CSMD1: variants seen among roughly 807,000 people sequenced by gnomAD.
CSMD1 encodes the protein CUB and sushi domain-containing protein 1.
Under a neutral mutation model 417.5 loss-of-function variants are expected in CSMD1, and 213 were observed. The ratio of observed to expected loss-of-function variants is 0.51; its 90% CI spans 0.46 to 0.57. CSMD1 has a LOEUF of 0.57. Ranked by LOEUF, CSMD1 falls within the 20% of genes least tolerant of loss-of-function variation. CSMD1 has a pLI of 0.00. For missense variants in CSMD1, 6,923 were observed against 4,529.7 expected (o/e 1.53, Z -15.17); for synonymous variants, 2,862 against 1,736.8 (o/e 1.65, Z -16.11).
At chr8:4,955,192 G>A (rs940103271) in intron 1 of CSMD1, among the ~76,000 whole-genome samples, 1 of 152,070 alleles carries the variant, frequency 6.6e-6, no homozygotes, top group African/African-American at 2.4e-5. Context: ...TGTTCCCGTT[G>A]GCTTCTACCC....
At chr8:3,205,677 G>A (rs1048722652) in intron 30 of CSMD1, 57 bp from the exon 31 acceptor site, 16 of 774,096 alleles carry the variant, frequency 2.1e-5, no homozygotes, top group Middle Eastern at 6.0e-4. Flanking sequence ...CAGGTGATAG[G>A]TGAGCCAAAG....
chr8:4,419,711 A>G (rs1431763954), intron 3 of CSMD1, among the ~76,000 whole-genome samples: 1 of 152,174 alleles, frequency 6.6e-6, no homozygotes, highest in Admixed American at 6.6e-5. Flanking sequence ...AAATTAACCA[A>G]AACAAAACCC....
intron 1 of CSMD1, among the ~76,000 whole-genome samples, chr8:4,665,577 G>A (rs1021282139): frequency 5.3e-5 from 8 of 152,070 alleles, no homozygotes; most frequent in Non-Finnish European, 1.0e-4. Context: ...CTGTAGCTTT[G>A]CCTTTCCCAG....
intron 3 of CSMD1, among the ~76,000 whole-genome samples, chr8:4,236,026 G>GTTTTTTTTTTT (rs147378202): frequency 2.8e-5 from 3 of 108,130 alleles, no homozygotes; most frequent in African/African-American, 1.3e-4. Context: ...AATGGATATT[G>GTTTTTTTTTTT]TTTTTTTTGT....
chr8:4,413,515 T>A (rs1182564157), intron 3 of CSMD1, among the ~76,000 whole-genome samples: 1 of 152,172 alleles, frequency 6.6e-6, no homozygotes, highest in Non-Finnish European at 1.5e-5. Flanking sequence ...TCCCTACTTT[T>A]AGAAAATGTT....
At chr8:3,292,033 T>C (rs1222976123) in intron 25 of CSMD1, among the ~76,000 whole-genome samples, 1 of 152,104 alleles carries the variant, frequency 6.6e-6, no homozygotes, top group Admixed American at 6.5e-5. Flanking sequence ...TGTGTCTTTG[T>C]TCTCGTTGGT....
At chr8:3,908,620 TAA>T (rs201421570) in intron 5 of CSMD1, among the ~76,000 whole-genome samples, 1 of 151,758 alleles carries the variant, frequency 6.6e-6, no homozygotes, top group African/African-American at 2.4e-5. Context: ...GAACATTGCT[TAA>T]AAAAAAATCT....
intron 3 of CSMD1, among the ~76,000 whole-genome samples, chr8:4,113,445 C>T (rs192422323): frequency 1.5e-3 from 199 of 131,838 alleles, no homozygotes; most frequent in African/African-American, 5.3e-3. Context: ...CGCTCTGTCA[C>T]GCAGGCTGGA....
intron 10 of CSMD1, among the ~76,000 whole-genome samples, chr8:3,563,758 A>T (rs1367370772): frequency 6.6e-6 from 1 of 151,988 alleles, no homozygotes; most frequent in Non-Finnish European, 1.5e-5. Flanking sequence ...GTGTGGTGGT[A>T]GGCATCTGTA....
intron 3 of CSMD1, among the ~76,000 whole-genome samples, chr8:4,176,622 GAC>G (rs35141947): frequency 0.98 from 148,955 of 151,682 alleles, 73,197 homozygotes; most frequent in Middle Eastern, 1. Context: ...ATCCATAAAA[GAC>G]ACAGACTGGC....
intron 3 of CSMD1, among the ~76,000 whole-genome samples, chr8:4,058,919 A>C (rs1226181789): frequency 6.6e-6 from 1 of 152,056 alleles, no homozygotes; most frequent in Non-Finnish European, 1.5e-5. Flanking sequence ...CAGGAATTGA[A>C]CTCAGCTCTG....
At chr8:4,204,718 G>C (rs985997985) in intron 3 of CSMD1, among the ~76,000 whole-genome samples, 2 of 152,140 alleles carry the variant, frequency 1.3e-5, no homozygotes, top group South Asian at 2.1e-4. Context: ...GCAGCAGTCA[G>C]ATCATAGCTC....
At chr8:3,477,214 T>A (rs567976574) in intron 11 of CSMD1, among the ~76,000 whole-genome samples, 27 of 152,326 alleles carry the variant, frequency 1.8e-4, no homozygotes, top group South Asian at 4.1e-4. Context: ...CAATATGAGA[T>A]GCCTGGATTT....
chr8:4,221,533 C>T (rs776524043), intron 3 of CSMD1, among the ~76,000 whole-genome samples: 1 of 152,072 alleles, frequency 6.6e-6, no homozygotes, highest in Non-Finnish European at 1.5e-5. Flanking sequence ...GCACAGAATC[C>T]CAGGAAGGCT....
At chr8:4,973,827 T>C (rs1366111649) in intron 1 of CSMD1, among the ~76,000 whole-genome samples, 2 of 152,174 alleles carry the variant, frequency 1.3e-5, no homozygotes, top group Non-Finnish European at 2.9e-5. Context: ...TGAGTATAGG[T>C]ATAGGAAAAC....
chr8:4,836,298 G>T (rs1283414184), intron 1 of CSMD1, among the ~76,000 whole-genome samples: 1 of 152,092 alleles, frequency 6.6e-6, no homozygotes, highest in African/African-American at 2.4e-5. Flanking sequence ...CTTCCCCTAA[G>T]ATGTTAATTA....
At chr8:3,472,758 T>G (rs1048452121) in intron 11 of CSMD1, among the ~76,000 whole-genome samples, 1 of 152,164 alleles carries the variant, frequency 6.6e-6, no homozygotes, top group African/African-American at 2.4e-5. Flanking sequence ...GCAGATAACT[T>G]TACTCATAAG....
At chr8:4,974,911 G>C (rs1810461095) in intron 1 of CSMD1, among the ~76,000 whole-genome samples, 1 of 152,166 alleles carries the variant, frequency 6.6e-6, no homozygotes, top group Non-Finnish European at 1.5e-5. Flanking sequence ...GGTTTATGTT[G>C]ATATACTGGG....
intron 6 of CSMD1, among the ~76,000 whole-genome samples, chr8:3,715,806 G>A (rs1474757244): frequency 6.6e-6 from 1 of 152,152 alleles, no homozygotes; most frequent in African/African-American, 2.4e-5. Context: ...GCCTCCCAAA[G>A]TGCTGGGATT....
Sources: gnomAD v4.1 joint callset for allele counts (sites outside exome capture counted in the v4.1 genomes callset) on GRCh38, gnomAD v4.1.1 for gene constraint, MANE v1.5 for transcripts, NCBI Gene and HGNC (gene_info 2026-07-23, HGNC 2026-07-21) for gene names.